SMG9: variants seen among roughly 807,000 people sequenced by gnomAD.
SMG9 encodes the protein SMG9 nonsense mediated mRNA decay factor, also known as nonsense-mediated mRNA decay factor SMG9.
In SMG9, 55 loss-of-function variants were observed where a neutral mutation model predicts 64.0. The observed-to-expected ratio is 0.86, with a 90% CI of 0.69 to 1.08. The LOEUF (loss-of-function observed/expected upper bound fraction) is 1.08. Among genes scored for constraint, SMG9 ranks in the 50% least tolerant of loss-of-function variants. The probability of loss-of-function intolerance (pLI) is 0.00; values close to 1 mark genes in which losing one functional copy is unlikely to be tolerated. For missense variants in SMG9, 554 were observed against 681.3 expected (o/e 0.81, Z 2.08); for synonymous variants, 244 against 254.8 (o/e 0.96, Z 0.41).
At position 43,738,217 on chromosome 19, in the gene SMG9, G is replaced by C. The variant is rs1968736332; in HGVS notation, c.814C>G (p.Pro272Ala). 1.2e-6 allele frequency: 2 copies of C among 1,613,752 alleles called. No homozygotes were observed. The highest frequency in any genetic ancestry group is 1.1e-5 in the South Asian group (1 of 91,070). Residue 272 changes from proline (P) to alanine (A), a missense_variant and splice_region_variant, in exon 8 of 14, where the codon CCC (proline) becomes GCC (alanine). Physicochemically the swap from Pro to Ala is conservative, Grantham distance 27. Transcript: ENST00000270066. ...TCTAGGATAGAAGGGCTCAGGATGGGCTGCAGCAAGGAAGAGAACAGAGTG... is the reference window on the plus strand; with the variant it reads ...TCTAGGATAGAAGGGCTCAGGATGGCCTGCAGCAAGGAAGAGAACAGAGTG... ...QERIVFLDTQ[P>A]ILSPSILDHL...
chr19:43,747,750 G>A lies in SMG9; in HGVS notation c.373C>T (p.Pro125Ser), dbSNP rs760889448. 4.3e-6 allele frequency: 7 copies of A among 1,609,746 alleles called. No individual in the cohort carries two copies. The highest frequency in any genetic ancestry group is 5.9e-6 in the Non-Finnish European group (7 of 1,178,512). Residue 125 changes from proline (P) to serine (S), a missense_variant, in exon 4 of 14, where the codon CCA (proline) becomes TCA (serine). Coordinates refer to ENST00000270066, the MANE Select transcript of SMG9 (RefSeq NM_019108.4). ...GGTGGCGCAGGGGCTGCAGGGGGTG[G>A]TGGGGCGGTGCCCTCAGGGGTAGAG... The part of the protein sequence containing the change: ...GASTPEGTAP[P>S]PPAAPAPPKG...
chr19:43,732,384 C>T (rs1229485448), intron 13 of SMG9: 1 of 165,694 alleles, frequency 6.0e-6, no homozygotes, highest in Non-Finnish European at 1.3e-5. Context: ...GAGAGAAAGC[C>T]AGAGGCAGGA....
rs1968563842 is a variant in SMG9 at position 43,733,738 on chromosome 19, G to A, written c.1103-5C>T. 1 of 1,613,092 alleles carries A rather than the reference G, an allele frequency of 6.2e-7. No homozygotes were observed. The highest frequency in any genetic ancestry group is 1.7e-5 in the Admixed American group (1 of 59,988). On this transcript the variant is annotated splice_region_variant and splice_polypyrimidine_tract_variant and intron_variant, in intron 10 of 13. Transcript: ENST00000270066. ...GAGCTTTGTTCTGCAAGAAGACTGAGGGTGGGAAGAGACGGGCCCTGTCAG... is the reference window on the plus strand; with the variant it reads ...GAGCTTTGTTCTGCAAGAAGACTGAAGGTGGGAAGAGACGGGCCCTGTCAG...
rs536819893 is a variant in SMG9, at chr19:43,731,233, G to A, written c.*363C>T. On this transcript the variant is annotated 3_prime_UTR_variant, in exon 14 of 14. Coordinates refer to ENST00000270066, the MANE Select transcript of SMG9 (RefSeq NM_019108.4). ...AGACCCTGCCTCACCTTACAGGGAA[G>A]GGCTTAGAGTCAGGGAAGAGGGGCC... 6.6e-6 allele frequency: 7 copies of A among 1,058,988 alleles called. No homozygotes were observed. In the East Asian group the frequency reaches 5.4e-4, roughly 82 times the overall value. The allele number at this position is 1,058,988 out of a possible 1,614,324, so 65.6% of individuals were successfully genotyped here. A position where few individuals can be genotyped will look rare whatever the true frequency, so the allele number is the denominator to read the frequency against.
intron 6 of SMG9, among the ~76,000 whole-genome samples, chr19:43,743,710 C>T (rs1174008516): frequency 1.3e-5 from 2 of 152,206 alleles, no homozygotes; most frequent in Non-Finnish European, 2.9e-5. Flanking sequence ...GTGGGAAGAT[C>T]ACTTGAGCCT....
At position 43,731,253 on chromosome 19, in the gene SMG9, G is replaced by A; in HGVS notation, c.*343C>T. 1.8e-6 allele frequency: 2 copies of A among 1,104,168 alleles called. No homozygotes were observed. The highest frequency in any genetic ancestry group is 3.0e-5 in the South Asian group (1 of 33,330). 68.4% of individuals were successfully genotyped at this position (1,104,168 alleles called of 1,614,324 possible). On this transcript the variant is annotated 3_prime_UTR_variant, in exon 14 of 14. Coordinates refer to ENST00000270066, the MANE Select transcript of SMG9 (RefSeq NM_019108.4). ...GGGAAGGGCTTAGAGTCAGGGAAGA[G>A]GGGCCTGTTGCTCCTGTCCCTGAAA...
At position 43,729,655 on chromosome 19, in the gene SMG9, AG is replaced by A. The variant is rs1568591502; in HGVS notation, c.*1940del. 6.6e-6 allele frequency: 1 copy of A among 152,362 alleles called. No homozygotes were observed. The highest frequency in any genetic ancestry group is 1.5e-5 in the Non-Finnish European group (1 of 68,178). 9.4% of individuals were successfully genotyped at this position (152,362 alleles called of 1,614,324 possible). A position where few individuals can be genotyped will look rare whatever the true frequency, so the allele number is the denominator to read the frequency against. ...CTGGCAAACCCCCAAATCAACCAGC[AG>A]GAAGACCCCCTGGGGAAGCAGGGGT... On this transcript the variant is annotated 3_prime_UTR_variant, in exon 14 of 14. Transcript: ENST00000270066.
At chr19:43,749,367 G>A (rs946090451) in intron 2 of SMG9, among the ~76,000 whole-genome samples, 2 of 152,284 alleles carry the variant, frequency 1.3e-5, no homozygotes, top group East Asian at 1.9e-4. Flanking sequence ...GGGACACAGA[G>A]GATAAGAAGC....
At chr19:43,740,371 C>T (rs984637997) in intron 6 of SMG9, among the ~76,000 whole-genome samples, 153 bp from the exon 7 acceptor site, 18 of 151,466 alleles carry the variant, frequency 1.2e-4, no homozygotes, top group Non-Finnish European at 2.4e-4. Flanking sequence ...GGGTGGGAGG[C>T]GGGGGTAGTG....
In SMG9 at chr19:43,729,154, C is replaced by T; in HGVS notation, c.*2442G>A. 1 of 454,206 alleles carries T rather than the reference C, an allele frequency of 2.2e-6. No homozygotes were observed. The highest frequency in any genetic ancestry group is 9.4e-5 in the South Asian group (1 of 10,614). 28.1% of individuals were successfully genotyped at this position (454,206 alleles called of 1,614,324 possible). A position where few individuals can be genotyped will look rare whatever the true frequency, so the allele number is the denominator to read the frequency against. ...TCAAACTGCCTCAACGAGCCAGCCC[C>T]TGCACAAAACCCTGGAGGTGGGACA... On this transcript the variant is annotated 3_prime_UTR_variant, in exon 14 of 14. Coordinates refer to ENST00000270066, the MANE Select transcript of SMG9 (RefSeq NM_019108.4).
intron 2 of SMG9, among the ~76,000 whole-genome samples, chr19:43,749,826 A>G (rs571665535): frequency 2.6e-5 from 4 of 152,224 alleles, no homozygotes; most frequent in Admixed American, 1.3e-4. Flanking sequence ...GAGCGATGCT[A>G]TATGTGAGAC....
At chr19:43,744,360 T>G (rs1968934326) in intron 6 of SMG9, among the ~76,000 whole-genome samples, 1 of 152,242 alleles carries the variant, frequency 6.6e-6, no homozygotes, top group Non-Finnish European at 1.5e-5. Flanking sequence ...CATTAACTTT[T>G]GCCTTCTTGA....
intron 5 of SMG9, 130 bp downstream of exon 5, chr19:43,747,312 T>C (rs1366484605): frequency 2.5e-6 from 2 of 809,688 alleles, no homozygotes; most frequent in Admixed American, 2.1e-5. Context: ...GTGAGAATGT[T>C]CTGATACCAC....
intron 5 of SMG9, among the ~76,000 whole-genome samples, chr19:43,746,644 G>A (rs185397296): frequency 4.0e-4 from 61 of 151,924 alleles, no homozygotes; most frequent in African/African-American, 1.5e-3. Flanking sequence ...GGTGTGACAG[G>A]TCTAGGGGAG....
chr19:43,737,499 C>A, intron 9 of SMG9, 98 bp downstream of exon 9: 1 of 1,037,560 alleles, frequency 9.6e-7, no homozygotes, highest in South Asian at 1.6e-5. Context: ...TAAAAGGATC[C>A]CTCTGGCTGC....
intron 5 of SMG9, among the ~76,000 whole-genome samples, chr19:43,745,505 A>G (rs1004623300): frequency 1.3e-5 from 2 of 152,216 alleles, no homozygotes; most frequent in African/African-American, 4.8e-5. Flanking sequence ...GAAAACAGCT[A>G]CGTTCTGAAC....
chr19:43,750,936 T>C (rs1458739010), intron 1 of SMG9, among the ~76,000 whole-genome samples, 189 bp from the exon 2 acceptor site: 1 of 152,220 alleles, frequency 6.6e-6, no homozygotes, highest in Admixed American at 6.5e-5. Context: ...GCAATTCTTC[T>C]GCCTCAGCCT....
chr19:43,738,180 T>C lies in SMG9; in HGVS notation c.851A>G (p.Asn284Ser), dbSNP rs1283573470. ...LSPSILDHLI[N>S]NDRKLPPEYN... is the part of the protein sequence containing the mutation. ...CTCTGGAGGCAGTTTGCGGTCATTA[T>C]TGATGAGATGGTCTAGGATAGAAGG... Residue 284 changes from asparagine to serine, a missense_variant, in exon 8 of 14, where the codon AAT (asparagine) becomes AGT (serine). Physicochemically the swap from Asn to Ser is conservative, Grantham distance 46. Transcript: ENST00000270066. 1 of 1,614,084 alleles carries C rather than the reference T, an allele frequency of 6.2e-7. No individual in the cohort carries two copies. Among genetic ancestry groups the C allele is most frequent in the Non-Finnish European group, 8.5e-7 (1 of 1,179,988 alleles).
At chr19:43,739,844 AC>A (rs1968789822) in intron 7 of SMG9, 1 of 485,702 alleles carries the variant, frequency 2.1e-6, no homozygotes, top group Admixed American at 3.4e-5. Context: ...CAGGATCAGA[AC>A]ACACATTCTC....
Sources: allele counts gnomAD v4.1 joint callset (sites outside exome capture counted in the v4.1 genomes callset), GRCh38; gene constraint gnomAD v4.1.1; transcripts MANE v1.5; gene names NCBI Gene and HGNC (gene_info 2026-07-23, HGNC 2026-07-21).